SGMS1: variants seen among roughly 807,000 people sequenced by gnomAD.
SGMS1 encodes phosphatidylcholine:ceramide cholinephosphotransferase 1.
SGMS1 carries 13 observed loss-of-function variants against 46.2 expected under a neutral mutation model. The observed-to-expected ratio is 0.28, with a 90% confidence interval of 0.18 to 0.45. The LOEUF (loss-of-function observed/expected upper bound fraction) is 0.45, where lower values mean the gene tolerates loss of function less well. Ranked by LOEUF, SGMS1 falls within the 20% of genes least tolerant of loss-of-function variation. SGMS1 has a pLI of 1.00. For synonymous variants in SGMS1, 203 were observed against 187.8 expected, an observed-to-expected ratio of 1.08 and a Z score of -0.66; for missense variants, 324 against 519.9, an observed-to-expected ratio of 0.62 and a Z score of 3.66.
intron 3 of SGMS1, among the ~76,000 whole-genome samples, chr10:50,486,043 A>C (rs1837518480): frequency 6.6e-6 from 1 of 152,200 alleles, no homozygotes; most frequent in Non-Finnish European, 1.5e-5. Context: ...ATTTTTGACA[A>C]ACCTGACAAA....
At chr10:50,316,690 A>G (rs1044462744) in intron 8 of SGMS1, among the ~76,000 whole-genome samples, 3 of 152,210 alleles carry the variant, frequency 2.0e-5, no homozygotes, top group Non-Finnish European at 4.4e-5. Flanking sequence ...AAAATTCATT[A>G]TCATCCACAA....
intron 6 of SGMS1, among the ~76,000 whole-genome samples, chr10:50,413,793 G>A (rs140706421): frequency 6.6e-6 from 1 of 152,294 alleles, no homozygotes; most frequent in African/African-American, 2.4e-5. Context: ...GATTTGGACT[G>A]GAGATAAGAA....
rs193207905 is a variant in SGMS1, at chr10:50,402,184, A to T, written c.-232+31292T>A. 1.6e-4 allele frequency among the ~76,000 whole-genome samples: 24 copies of T among 152,346 alleles called. No individual in the cohort carries two copies. The East Asian group carries it at 4.6e-3, about 29-fold the overall frequency. On this transcript the variant is annotated intron_variant, in intron 6 of 10. Coordinates refer to ENST00000361781, the MANE Select transcript of SGMS1 (RefSeq NM_147156.4). ...TCAGTCCGCATTGAAATGGATGCGTAATAAGCATCATGATCACTCAAAACA... is the reference window on the plus strand; with the variant it reads ...TCAGTCCGCATTGAAATGGATGCGTTATAAGCATCATGATCACTCAAAACA...
Position 50,307,962 on chromosome 10 carries a change from T to G in SGMS1, c.1062+20A>C, listed in dbSNP as rs1847200050. 1.2e-6 allele frequency: 2 copies of G among 1,612,558 alleles called. No homozygotes were observed. Among genetic ancestry groups the G allele is most frequent in the Admixed American group, 3.3e-5 (2 of 59,892 alleles). On this transcript the variant is annotated intron_variant, in intron 10 of 10. Transcript: ENST00000361781. This position sits in a 1 kb window ranked among gnomAD's most constrained non-coding sequence, Gnocchi z 4.2. ...AAGCCAGAAACAACAGAAGCTAAAA[T>G]CAAAAGCGGGGAAACTCACTTGCTG...
intron 2 of SGMS1, among the ~76,000 whole-genome samples, chr10:50,535,808 G>T (rs1020605591): frequency 3.3e-5 from 5 of 152,116 alleles, no homozygotes; most frequent in Non-Finnish European, 7.4e-5. Flanking sequence ...GCCACTTTTG[G>T]GGGAGAGGGG....
intron 6 of SGMS1, among the ~76,000 whole-genome samples, chr10:50,372,992 A>C (rs929144820): frequency 1.3e-5 from 2 of 152,208 alleles, no homozygotes; most frequent in Non-Finnish European, 2.9e-5. Flanking sequence ...ACAATGATAA[A>C]ATAGTTGACT....
chr10:50,560,590 T>G (rs1838228390), intron 2 of SGMS1, among the ~76,000 whole-genome samples: 1 of 146,308 alleles, frequency 6.8e-6, no homozygotes, highest in Non-Finnish European at 1.5e-5. Context: ...CAAATATACA[T>G]AATATATGGC....
intron 6 of SGMS1, among the ~76,000 whole-genome samples, chr10:50,365,255 C>CAATAAAAAAAAAAAAAAAAAAA (rs1848316125): frequency 2.2e-5 from 1 of 45,026 alleles, no homozygotes; most frequent in Non-Finnish European, 4.3e-5. Context: ...TCCATCTCAC[C>CAATAAAAAAAAAAAAAAAAAAA]AAAAAAAAAA....
intron 2 of SGMS1, among the ~76,000 whole-genome samples, chr10:50,547,905 T>C (rs1280701373): frequency 6.6e-6 from 1 of 152,180 alleles, no homozygotes; most frequent in Non-Finnish European, 1.5e-5. Flanking sequence ...AATCAATAAA[T>C]GCAATTCATC....
chr10:50,583,100 T>C (rs982689548), intron 2 of SGMS1, among the ~76,000 whole-genome samples: 1 of 152,156 alleles, frequency 6.6e-6, no homozygotes, highest in African/African-American at 2.4e-5. Context: ...TTTAGGTAAA[T>C]ACCTTTATCC....
intron 6 of SGMS1, among the ~76,000 whole-genome samples, chr10:50,406,234 G>C (rs1473082794): frequency 6.6e-6 from 1 of 152,120 alleles, no homozygotes; most frequent in African/African-American, 2.4e-5. Flanking sequence ...CATGATGTTT[G>C]TTAATTTTTG....
intron 3 of SGMS1, among the ~76,000 whole-genome samples, chr10:50,482,785 C>T (rs1837488361): frequency 1.3e-5 from 2 of 152,126 alleles, no homozygotes; most frequent in Non-Finnish European, 2.9e-5. Flanking sequence ...AGAGTCATGA[C>T]CCATCTGTGC....
intron 8 of SGMS1, among the ~76,000 whole-genome samples, chr10:50,313,260 G>A (rs1847286961): frequency 1.3e-5 from 2 of 152,232 alleles, no homozygotes; most frequent in Non-Finnish European, 1.5e-5. Context: ...AGTCACAGAC[G>A]GACACTAAAG....
intron 6 of SGMS1, among the ~76,000 whole-genome samples, chr10:50,383,464 T>C (rs968061650): frequency 6.6e-6 from 1 of 152,190 alleles, no homozygotes; most frequent in African/African-American, 2.4e-5. Context: ...AAAGATGGCT[T>C]TCTTATCTTT....
At chr10:50,502,624 T>A (rs568082579) in intron 3 of SGMS1, among the ~76,000 whole-genome samples, 11 of 152,334 alleles carry the variant, frequency 7.2e-5, no homozygotes, top group African/African-American at 2.6e-4. Context: ...CTCTTTAAAA[T>A]TGTGCAGATA....
intron 3 of SGMS1, among the ~76,000 whole-genome samples, chr10:50,498,034 AG>A (rs1406288268): frequency 2.6e-5 from 4 of 152,248 alleles, no homozygotes; most frequent in Non-Finnish European, 4.4e-5. Flanking sequence ...ATCACACTCC[AG>A]GGAATTTGGT....
intron 5 of SGMS1, among the ~76,000 whole-genome samples, chr10:50,438,094 CAG>C (rs1354250001): frequency 1.3e-5 from 2 of 152,154 alleles, no homozygotes; most frequent in Non-Finnish European, 2.9e-5. Context: ...GGAGAATGGA[CAG>C]AGAGGAGAGT....
chr10:50,614,124 T>TG (rs1838775386), intron 1 of SGMS1, among the ~76,000 whole-genome samples: 1 of 151,772 alleles, frequency 6.6e-6, no homozygotes, highest in Non-Finnish European at 1.5e-5. Context: ...TTTTTTTTTT[T>TG]GCCAATGGAA....
At chr10:50,482,807 G>A (rs1030352174) in intron 3 of SGMS1, among the ~76,000 whole-genome samples, 2 of 152,148 alleles carry the variant, frequency 1.3e-5, no homozygotes, top group Non-Finnish European at 2.9e-5. Flanking sequence ...CTGTATTCAA[G>A]AGACACATCT....
Sources: gnomAD v4.1 joint callset for allele counts (sites outside exome capture counted in the v4.1 genomes callset) on GRCh38, gnomAD v4.1.1 for gene constraint, Gnocchi (gnomAD v3.1) non-coding constraint, MANE v1.5 for transcripts, NCBI Gene and HGNC (gene_info 2026-07-23, HGNC 2026-07-21) for gene names.